ANXA10: variants seen among roughly 807,000 people sequenced by gnomAD.
ANXA10 encodes the protein annexin 14.
Under a neutral mutation model 53.5 loss-of-function variants are expected in ANXA10, and 49 were observed. That is an observed-to-expected ratio of 0.92 (90% CI 0.73 to 1.16). The LOEUF is 1.16. Among genes scored for constraint, ANXA10 ranks in the 50% most tolerant of loss-of-function variants. The pLI, the probability that ANXA10 is intolerant of heterozygous loss-of-function variation, is 0.00. For missense variants in ANXA10, 393 were observed against 394.4 expected (o/e 1.00, Z 0.03); for synonymous variants, 131 against 128.9 (o/e 1.02, Z -0.11).
intron 1 of ANXA10, chr4:168,127,817 C>CCT (rs1553997928): frequency 7.6e-4 from 113 of 149,032 alleles, no homozygotes; most frequent in Admixed American, 1.6e-3. Flanking sequence ...ATGTTGAAAC[C>CCT]TTTTTTTTTT....
At chr4:168,128,741 A>AC (rs1252741228) in intron 2 of ANXA10, among the ~76,000 whole-genome samples, 4 of 151,700 alleles carry the variant, frequency 2.6e-5, no homozygotes, top group Non-Finnish European at 5.9e-5. Flanking sequence ...AGCTATGCCA[A>AC]CCCCCCAGGC....
At chr4:168,184,768 G>C in intron 11 of ANXA10, 87 bp downstream of exon 11, 1 of 1,536,120 alleles carries the variant, frequency 6.5e-7, no homozygotes, top group Non-Finnish European at 8.8e-7. Flanking sequence ...TAACTTCATG[G>C]CAGACTCTAA....
intron 1 of ANXA10, among the ~76,000 whole-genome samples, chr4:168,115,216 T>C (rs893244074): frequency 6.6e-5 from 10 of 152,200 alleles, no homozygotes; most frequent in African/African-American, 2.4e-4. Flanking sequence ...AGTCTATCAC[T>C]GGTGGGCATT....
At chr4:168,152,104 C>G (rs1039386976) in intron 3 of ANXA10, among the ~76,000 whole-genome samples, 1 of 152,222 alleles carries the variant, frequency 6.6e-6, no homozygotes, top group African/African-American at 2.4e-5. Flanking sequence ...TACATTCTAC[C>G]TATTCCACCT....
At chr4:168,152,318 G>T (rs1731511596) in intron 3 of ANXA10, among the ~76,000 whole-genome samples, 1 of 152,122 alleles carries the variant, frequency 6.6e-6, no homozygotes, top group Middle Eastern at 3.2e-3. Context: ...CAAAAGTAAA[G>T]GCCCTGACTC....
chr4:168,173,054 T>C (rs947765638), intron 6 of ANXA10, among the ~76,000 whole-genome samples: 8 of 152,238 alleles, frequency 5.3e-5, no homozygotes, highest in African/African-American at 1.9e-4. Context: ...CCTCCCAAAG[T>C]GTTGGGATTA....
intron 6 of ANXA10, among the ~76,000 whole-genome samples, chr4:168,174,365 T>C (rs1348366659): frequency 6.6e-6 from 1 of 152,190 alleles, no homozygotes; most frequent in Non-Finnish European, 1.5e-5. Flanking sequence ...TTGGAGTCAC[T>C]TGTGACATGC....
intron 1 of ANXA10, among the ~76,000 whole-genome samples, chr4:168,114,016 T>C (rs1401005129): frequency 6.6e-6 from 1 of 152,202 alleles, no homozygotes; most frequent in Non-Finnish European, 1.5e-5. Flanking sequence ...GGCTGATCAA[T>C]TGGCTTCTTG....
intron 3 of ANXA10, among the ~76,000 whole-genome samples, chr4:168,143,057 GA>G (rs1731350953): frequency 6.6e-6 from 1 of 152,066 alleles, no homozygotes; most frequent in Non-Finnish European, 1.5e-5. Context: ...TAAAGAAAAG[GA>G]AAAGCATCCT....
At chr4:168,168,779 G>A (rs950937767) in intron 6 of ANXA10, among the ~76,000 whole-genome samples, 3 of 152,100 alleles carry the variant, frequency 2.0e-5, no homozygotes, top group African/African-American at 7.2e-5. Flanking sequence ...AATACAAATG[G>A]GTAACAGAAG....
chr4:168,157,694 C>T (rs1325456375), intron 3 of ANXA10, among the ~76,000 whole-genome samples: 1 of 152,098 alleles, frequency 6.6e-6, no homozygotes, highest in Non-Finnish European at 1.5e-5. Context: ...TTTGCTATTT[C>T]TAGAATTTAA....
intron 1 of ANXA10, among the ~76,000 whole-genome samples, chr4:168,101,041 C>T (rs943528598): frequency 6.6e-5 from 10 of 151,882 alleles, no homozygotes; most frequent in African/African-American, 1.9e-4. Context: ...CTGTAATTCC[C>T]GGTATTGAAG....
At chr4:168,175,231 A>G (rs1732104053) in intron 6 of ANXA10, among the ~76,000 whole-genome samples, 1 of 152,188 alleles carries the variant, frequency 6.6e-6, no homozygotes, top group African/African-American at 2.4e-5. Flanking sequence ...CGATTATACC[A>G]AATCCTACTG....
chr4:168,142,073 C>T (rs112920103), intron 3 of ANXA10, among the ~76,000 whole-genome samples: 4 of 152,218 alleles, frequency 2.6e-5, no homozygotes, highest in African/African-American at 9.6e-5. Context: ...TCCTTTCTTT[C>T]TGCTCACAGT....
chr4:168,156,314 A>ATATTATATTATATTATG, intron 3 of ANXA10, among the ~76,000 whole-genome samples: 1 of 112,024 alleles, frequency 8.9e-6, no homozygotes, highest in South Asian at 2.5e-4. Flanking sequence ...ATAATAGTAT[A>ATATTATATTATATTATG]TATAATATAT....
chr4:168,108,940 A>G (rs2149465849), intron 1 of ANXA10, among the ~76,000 whole-genome samples: 1 of 152,218 alleles, frequency 6.6e-6, no homozygotes, highest in Non-Finnish European at 1.5e-5. Flanking sequence ...TTATAACCTC[A>G]TCTAGGTTGG....
At chr4:168,108,283 G>T (rs1296021952) in intron 1 of ANXA10, among the ~76,000 whole-genome samples, 4 of 152,074 alleles carry the variant, frequency 2.6e-5, no homozygotes, top group Admixed American at 2.6e-4. Flanking sequence ...ATCTCATCCT[G>T]TGACTTAGAA....
intron 10 of ANXA10, among the ~76,000 whole-genome samples, 179 bp from the exon 11 acceptor site, chr4:168,184,380 G>A (rs1241187227): frequency 6.6e-6 from 1 of 152,200 alleles, no homozygotes; most frequent in African/African-American, 2.4e-5. Flanking sequence ...GTAAGGGAGA[G>A]GGAGAAGTGA....
chr4:168,109,127 G>T (rs1428829983), intron 1 of ANXA10, among the ~76,000 whole-genome samples: 1 of 152,142 alleles, frequency 6.6e-6, no homozygotes, highest in African/African-American at 2.4e-5. Flanking sequence ...TTGTTATGGT[G>T]CTACATGAAC....
Sources: allele counts gnomAD v4.1 joint callset (sites outside exome capture counted in the v4.1 genomes callset), GRCh38; gene constraint gnomAD v4.1.1; transcripts MANE v1.5; gene names NCBI Gene and HGNC (gene_info 2026-07-23, HGNC 2026-07-21).